Variants in MAX observed in about 807,000 individuals in gnomAD.
The protein encoded by MAX is protein max.
In MAX, 3 loss-of-function variants were observed where a neutral mutation model predicts 22.3. That is an observed-to-expected ratio of 0.13 (90% CI 0.06 to 0.35). The LOEUF (loss-of-function observed/expected upper bound fraction) is 0.35. MAX is among the 10% of genes least tolerant of loss of function. The probability of loss-of-function intolerance (pLI) is 1.00; values close to 1 mark genes in which losing one functional copy is unlikely to be tolerated. For synonymous variants in MAX, 72 were observed against 77.7 expected (o/e 0.93, Z 0.39); for missense variants, 119 against 209.4 (o/e 0.57, Z 2.66).
At chr14:65,033,468 A>G (rs1237072820) in intron 3 of MAX, among the ~76,000 whole-genome samples, 7 of 152,216 alleles carry the variant, frequency 4.6e-5, no homozygotes, top group African/African-American at 1.7e-4. Context: ...CAAAGACCTG[A>G]AGTGTATATG....
chr14:65,027,540 T>C lies in MAX; in HGVS notation c.172-21256A>G. ...AGTATCCACACCTTGCACCCACATA[T>C]GCAGCAGTCAATGCATTGTGCATCA... is the stretch of plus-strand genomic sequence containing the variant. On this transcript the variant is annotated intron_variant, in intron 3 of 3. Coordinates refer to the MAX transcript ENST00000341653. The surrounding 1 kb of genome is among the most constrained non-coding windows in gnomAD (Gnocchi z 5.7). 1.2e-6 allele frequency: 2 copies of C among 1,614,212 alleles called. No individual in the cohort carries two copies. Among genetic ancestry groups the C allele is most frequent in the Non-Finnish European group, 1.7e-6 (2 of 1,180,030 alleles).
chr14:65,041,762 T>A (rs1595077989), intron 3 of MAX, among the ~76,000 whole-genome samples: 1 of 152,160 alleles, frequency 6.6e-6, no homozygotes, highest in East Asian at 1.9e-4. Flanking sequence ...CATGAAGGCT[T>A]GAAGGCTCAT....
rs1378828626 is a variant in MAX, at chr14:65,011,513, A to C, written c.172-5229T>G. Among the ~76,000 whole-genome samples the C allele has an allele frequency of 6.6e-6, 1 of 151,752 alleles. No homozygotes were observed. The highest frequency in any genetic ancestry group is 1.5e-5 in the Non-Finnish European group (1 of 67,982). Reference sequence around the variant, plus strand: ...GTGGGAATTTGATAAACAATTGTGGAATTGACTACCTAGCAAAGGGAATGG... The same window carrying C: ...GTGGGAATTTGATAAACAATTGTGGCATTGACTACCTAGCAAAGGGAATGG... On this transcript the variant is annotated intron_variant, in intron 3 of 3. Coordinates refer to the MAX transcript ENST00000341653. This position sits in a 1 kb window ranked among gnomAD's most constrained non-coding sequence, Gnocchi z 4.0.
chr14:65,077,153 A>T lies in MAX; in HGVS notation c.296-490T>A. 4.9e-6 allele frequency: 3 copies of T among 613,518 alleles called. No individual in the cohort carries two copies. In the South Asian group the frequency reaches 6.1e-5, roughly 12 times the overall value. The allele number at this position is 613,518 out of a possible 1,614,324, so 38.0% of individuals were successfully genotyped here. A position where few individuals can be genotyped will look rare whatever the true frequency, so the allele number is the denominator to read the frequency against. On this transcript the variant is annotated intron_variant, in intron 4 of 4. Coordinates refer to ENST00000358664, the MANE Select transcript of MAX (RefSeq NM_002382.5). The surrounding 1 kb of genome is among the most constrained non-coding windows in gnomAD (Gnocchi z 6.3). ...CAAGCTGGACACTTGGAAGCAAGTC[A>T]CCAATACACATAAAATACCTGGGCT... is the stretch of plus-strand genomic sequence containing the variant.
Position 65,075,327 on chromosome 14 carries a change from A to C in MAX, c.*1149T>G. On this transcript the variant is annotated 3_prime_UTR_variant, in exon 5 of 5. Coordinates refer to ENST00000358664, the MANE Select transcript of MAX (RefSeq NM_002382.5). This position sits in a 1 kb window ranked among gnomAD's most constrained non-coding sequence, Gnocchi z 4.1. ...GAAAAAGACAAAGAAATGAGGCCTA[A>C]ACACACAAAACCCTTCACTGGCATC... The C allele has an allele frequency of 9.4e-7, 1 of 1,062,558 alleles. No individual in the cohort carries two copies. The highest frequency in any genetic ancestry group is 5.4e-5 in the Admixed American group (1 of 18,656). The allele number at this position is 1,062,558 out of a possible 1,614,324, so 65.8% of individuals were successfully genotyped here. A position where few individuals can be genotyped will look rare whatever the true frequency, so the allele number is the denominator to read the frequency against.
chr14:65,102,477 TCA>T lies in MAX; in HGVS notation c.-140_-139del, dbSNP rs886050638. 342 of 1,474,352 alleles carry T rather than the reference TCA, an allele frequency of 2.3e-4. No homozygotes were observed. Among genetic ancestry groups the T allele is most frequent in the East Asian group, 1.2e-3 (49 of 39,258 alleles). 91.3% of individuals were successfully genotyped at this position (1,474,352 alleles called of 1,614,324 possible). A position where few individuals can be genotyped will look rare whatever the true frequency, so the allele number is the denominator to read the frequency against. On this transcript the variant is annotated 5_prime_UTR_variant, in exon 1 of 5. Coordinates refer to ENST00000358664, the MANE Select transcript of MAX (RefSeq NM_002382.5). Reference sequence around the variant, plus strand: ...CTCACTCACTCACTCGCTCTCTCACTCACACACACACACAACACGGGCAAGAA... The same window carrying T: ...CTCACTCACTCACTCGCTCTCTCACTCACACACACACAACACGGGCAAGAA...
At chr14:65,046,819 A>T (rs1486845506) in intron 3 of MAX, among the ~76,000 whole-genome samples, 1 of 150,604 alleles carries the variant, frequency 6.6e-6, no homozygotes, top group Non-Finnish European at 1.5e-5. Flanking sequence ...ATTCATAGAA[A>T]GTATCTAGGA....
intron 3 of MAX, chr14:65,053,495 C>T (rs2062657567): frequency 1.5e-6 from 1 of 676,914 alleles, no homozygotes; most frequent in African/African-American, 1.9e-5. Flanking sequence ...GGAAAAAGCA[C>T]CCAGTTGGGA....
chr14:65,086,353 A>C (rs1168914061), intron 3 of MAX, among the ~76,000 whole-genome samples: 1 of 152,206 alleles, frequency 6.6e-6, no homozygotes, highest in Non-Finnish European at 1.5e-5. Context: ...AGGTTGGAAC[A>C]ATTTGAAGGG....
In MAX at chr14:65,082,361, G is replaced by A. The variant is rs1250576724; in HGVS notation, c.172-4325C>T. ...CCTAGTGAAGGTGGTTTTCTTGGAG[G>A]AGTGACAGCCGAAGCCCAATGGTAA... On this transcript the variant is annotated intron_variant, in intron 3 of 4. Coordinates refer to ENST00000358664, the MANE Select transcript of MAX (RefSeq NM_002382.5). The surrounding 1 kb of genome is among the most constrained non-coding windows in gnomAD (Gnocchi z 4.8). 1 of 152,240 alleles carries A rather than the reference G, an allele frequency of 6.6e-6. No individual in the cohort carries two copies. The highest frequency in any genetic ancestry group is 2.4e-5 in the African/African-American group (1 of 41,466). The allele number at this position is 152,240 out of a possible 1,614,324, so 9.4% of individuals were successfully genotyped here. A position where few individuals can be genotyped will look rare whatever the true frequency, so the allele number is the denominator to read the frequency against.
chr14:65,012,420 C>A lies in MAX; in HGVS notation c.172-6136G>T. 2 of 1,613,246 alleles carry A rather than the reference C, an allele frequency of 1.2e-6. No individual in the cohort carries two copies. The highest frequency in any genetic ancestry group is 2.2e-5 in the South Asian group (2 of 90,998). ...CACATTACCCAGGAACTCTTGCTGTCAAATTATCCACCAAATCCTCCTCCT... is the reference window on the plus strand; with the variant it reads ...CACATTACCCAGGAACTCTTGCTGTAAAATTATCCACCAAATCCTCCTCCT... On this transcript the variant is annotated intron_variant, in intron 3 of 3. Coordinates refer to the MAX transcript ENST00000341653. This position sits in a 1 kb window ranked among gnomAD's most constrained non-coding sequence, Gnocchi z 5.0.
At chr14:65,034,240 G>A (rs1303038126) in intron 3 of MAX, among the ~76,000 whole-genome samples, 1 of 152,166 alleles carries the variant, frequency 6.6e-6, no homozygotes, top group Non-Finnish European at 1.5e-5. Flanking sequence ...CTCTCAGCTT[G>A]CTACACAGCA....
rs1460638710 is a variant in MAX at position 65,030,303 on chromosome 14, A to G, written c.172-24019T>C. ...CACTTGTGACTCTTGTGTGCTCCCA[A>G]TGCCTGCTGGTGGAACTAAACTTCC... On this transcript the variant is annotated intron_variant, in intron 3 of 3. Transcript: ENST00000341653. This position sits in a 1 kb window ranked among gnomAD's most constrained non-coding sequence, Gnocchi z 4.5. Among the ~76,000 whole-genome samples, 1 of 152,192 alleles carries G rather than the reference A, an allele frequency of 6.6e-6. No individual in the cohort carries two copies. Among genetic ancestry groups the G allele is most frequent in the African/African-American group, 2.4e-5 (1 of 41,460 alleles).
rs1015158103 is a variant in MAX at position 65,077,731 on chromosome 14, G to A, written c.295+182C>T. 1.2e-5 allele frequency: 19 copies of A among 1,599,978 alleles called. No individual in the cohort carries two copies. The African/African-American group carries it at 2.4e-4, about 20-fold the overall frequency. On this transcript the variant is annotated intron_variant, in intron 4 of 4. Transcript: ENST00000358664. This position sits in a 1 kb window ranked among gnomAD's most constrained non-coding sequence, Gnocchi z 6.3. ...CCTAGCTTCCACTGTCTCCTCACTG[G>A]CGCCTCAGGTCCTTCCTCAGGACGG...
At chr14:65,037,402 C>CTTTTTTTTTTTTTTT (rs765037575) in intron 3 of MAX, among the ~76,000 whole-genome samples, 15 of 14,530 alleles carry the variant, frequency 1.0e-3, no homozygotes, top group Non-Finnish European at 1.5e-3. Flanking sequence ...CACGCCGGGC[C>CTTTTTTTTTTTTTTT]CTTTTTTTTT....
downstream of MAX, among the ~76,000 whole-genome samples, chr14:65,073,041 G>A (rs938843403): frequency 2.0e-5 from 3 of 152,206 alleles, no homozygotes; most frequent in African/African-American, 7.2e-5. Flanking sequence ...CATGCTTTGT[G>A]TAGATAATGA....
chr14:65,030,652 T>G lies in MAX; in HGVS notation c.172-24368A>C, dbSNP rs2062062630. Among the ~76,000 whole-genome samples the G allele has an allele frequency of 6.6e-6, 1 of 151,712 alleles. No individual in the cohort carries two copies. The highest frequency in any genetic ancestry group is 2.1e-4 in the South Asian group (1 of 4,808). Reference sequence around the variant, plus strand: ...AGCTGCTTAGGAGGCTGAGGCAAGATCAGTTTGAGCCCAGGAGTTTGAGGT... The same window carrying G: ...AGCTGCTTAGGAGGCTGAGGCAAGAGCAGTTTGAGCCCAGGAGTTTGAGGT... On this transcript the variant is annotated intron_variant, in intron 3 of 3. Transcript: ENST00000341653. The surrounding 1 kb of genome is among the most constrained non-coding windows in gnomAD (Gnocchi z 4.5).
intron 3 of MAX, among the ~76,000 whole-genome samples, chr14:65,051,512 G>C (rs2062609767): frequency 6.6e-6 from 1 of 151,906 alleles, no homozygotes. Context: ...TCGGGAGGCT[G>C]AGGCAGGACA....
At position 65,031,023 on chromosome 14, in the gene MAX, G is replaced by C. The variant is rs1051143889; in HGVS notation, c.172-24739C>G. Among the ~76,000 whole-genome samples, 1 of 152,006 alleles carries C rather than the reference G, an allele frequency of 6.6e-6. No individual in the cohort carries two copies. Among genetic ancestry groups the C allele is most frequent in the Non-Finnish European group, 1.5e-5 (1 of 67,996 alleles). ...AGGTCTCACCATGTTGGCCAGGCTA[G>C]TCTCGAACTCCTGACCTCAAATAAT... On this transcript the variant is annotated intron_variant, in intron 3 of 3. Transcript: ENST00000341653. The surrounding 1 kb of genome is among the most constrained non-coding windows in gnomAD (Gnocchi z 4.6).
Sources: allele counts gnomAD v4.1 joint callset (sites outside exome capture counted in the v4.1 genomes callset), GRCh38; gene constraint gnomAD v4.1.1; non-coding constraint Gnocchi (gnomAD v3.1); transcripts MANE v1.5; gene names NCBI Gene and HGNC (gene_info 2026-07-23, HGNC 2026-07-21).